ARHGEF9: variants seen among roughly 807,000 people sequenced by gnomAD.
ARHGEF9 encodes the protein rho guanine nucleotide exchange factor 9.
In ARHGEF9, 2 loss-of-function variants were observed where a neutral mutation model predicts 41.3. The ratio of observed to expected loss-of-function variants is 0.05; its 90% CI spans 0.02 to 0.15. The LOEUF is 0.15. ARHGEF9 is among the 10% of genes least tolerant of loss of function. ARHGEF9 has a pLI of 1.00. For synonymous variants in ARHGEF9, 160 were observed against 154.4 expected, an observed-to-expected ratio of 1.04 and a Z score of -0.27; for missense variants, 225 against 424.7, an observed-to-expected ratio of 0.53 and a Z score of 4.13.
chrX:63,663,378 A>C (rs1279608335), intron 7 of ARHGEF9, among the ~76,000 whole-genome samples: 2 of 111,352 alleles, frequency 1.8e-5, no homozygotes, highest in African/African-American at 6.5e-5. Context: ...TCATATGTAA[A>C]ATATTATATA....
intron 4 of ARHGEF9, among the ~76,000 whole-genome samples, chrX:63,693,357 G>C (rs1354814772): frequency 9.0e-6 from 1 of 110,922 alleles, no homozygotes; most frequent in Non-Finnish European, 1.9e-5. Flanking sequence ...ACCACATGTA[G>C]TCCCAGCAAT....
chrX:63,702,613 T>C (rs1323245459), intron 3 of ARHGEF9, among the ~76,000 whole-genome samples: 4 of 112,076 alleles, frequency 3.6e-5, no homozygotes, highest in Non-Finnish European at 7.5e-5. Flanking sequence ...TTTTTTATAT[T>C]GAATATAATT....
intron 9 of ARHGEF9, chrX:63,640,544 T>G (rs1285123085): frequency 8.9e-6 from 1 of 112,223 alleles, no homozygotes; most frequent in Non-Finnish European, 1.9e-5. Context: ...GTTAATTAGG[T>G]TTATGTACCA....
intron 4 of ARHGEF9, among the ~76,000 whole-genome samples, chrX:63,688,047 C>A (rs781785994): frequency 9.0e-6 from 1 of 110,957 alleles, no homozygotes; most frequent in East Asian, 2.8e-4. Flanking sequence ...TAAGATTACC[C>A]TAAGGCATAT....
At chrX:63,726,900 G>T (rs1221141878) in intron 1 of ARHGEF9, among the ~76,000 whole-genome samples, 1 of 111,990 alleles carries the variant, frequency 8.9e-6, no homozygotes, top group Non-Finnish European at 1.9e-5. Flanking sequence ...CCCTGATGCT[G>T]AGGACATTCA....
At chrX:63,668,818 A>T (rs192640740) in intron 6 of ARHGEF9, among the ~76,000 whole-genome samples, 1 of 112,312 alleles carries the variant, frequency 8.9e-6, no homozygotes, top group Non-Finnish European at 1.9e-5. Context: ...ATTGGAAGTA[A>T]TTTGCCCAAA....
intron 1 of ARHGEF9, among the ~76,000 whole-genome samples, chrX:63,744,484 T>C (rs1556431124): frequency 8.9e-6 from 1 of 112,456 alleles, no homozygotes; most frequent in Non-Finnish European, 1.9e-5. Flanking sequence ...CTAGAAAATA[T>C]AGCTGTCTGC....
In ARHGEF9 at chrX:63,637,824, A is replaced by G. The variant is rs1556299892; in HGVS notation, c.*204T>C. On this transcript the variant is annotated 3_prime_UTR_variant, in exon 10 of 10. Coordinates refer to ENST00000671741, the MANE Select transcript of ARHGEF9 (RefSeq NM_001353921.2). Reference sequence around the variant, plus strand: ...ATTTCACTTCCCCAAAACAACAGAAAACACTTTTGTTCCTTATCTCTCTGT... The same window carrying G: ...ATTTCACTTCCCCAAAACAACAGAAGACACTTTTGTTCCTTATCTCTCTGT... The G allele has an allele frequency of 3.1e-6, 1 of 323,176 alleles. No individual in the cohort carries two copies. The highest frequency in any genetic ancestry group is 5.2e-6 in the Non-Finnish European group (1 of 192,712). 26.6% of individuals were successfully genotyped at this position (323,176 alleles called of 1,213,427 possible).
intron 1 of ARHGEF9, chrX:63,755,175 T>G (rs2055887541): frequency 3.2e-6 from 3 of 938,838 alleles, no homozygotes; most frequent in Non-Finnish European, 4.0e-6. Flanking sequence ...CTGCGGGCGC[T>G]TGCGTGAGGC....
Position 63,645,950 on chromosome X carries a change from C to T in ARHGEF9, c.1322-1902G>A, listed in dbSNP as rs782512432. 6.3e-5 allele frequency among the ~76,000 whole-genome samples: 7 copies of T among 111,990 alleles called. No individual in the cohort carries two copies. In the South Asian group the frequency reaches 2.6e-3, roughly 42 times the overall value. ...CTGGAGTGAGATGGTACCTCATTGT[C>T]GTTTTGATCTGCATTTCTCTGATGG... On this transcript the variant is annotated intron_variant, in intron 8 of 9. Transcript: ENST00000671741.
intron 1 of ARHGEF9, chrX:63,766,736 T>C (rs2056119278): frequency 1.1e-5 from 2 of 183,186 alleles, no homozygotes; most frequent in South Asian, 2.1e-4. Flanking sequence ...CCTACCTGCA[T>C]TTTCCTCACT....
chrX:63,648,941 A>T (rs1352294966), intron 8 of ARHGEF9, among the ~76,000 whole-genome samples: 1 of 110,917 alleles, frequency 9.0e-6, no homozygotes, highest in Non-Finnish European at 1.9e-5. Flanking sequence ...GAGTACCCAG[A>T]TTCATAAAAC....
chrX:63,672,604 T>C (rs1556357011), intron 6 of ARHGEF9, among the ~76,000 whole-genome samples: 1 of 111,104 alleles, frequency 9.0e-6, no homozygotes, highest in South Asian at 3.9e-4. Context: ...TGGTTCCCCA[T>C]GGCTCCTGCT....
intron 1 of ARHGEF9, among the ~76,000 whole-genome samples, chrX:63,777,545 C>T (rs1444605661): frequency 8.9e-6 from 1 of 111,772 alleles, no homozygotes; most frequent in African/African-American, 3.3e-5. Context: ...CTCAAAAGTC[C>T]AAGTCCAAAG....
At chrX:63,709,117 C>T (rs1251538023) in intron 2 of ARHGEF9, 3 of 112,063 alleles carry the variant, frequency 2.7e-5, no homozygotes, top group Non-Finnish European at 5.6e-5. Flanking sequence ...CCCAACAATC[C>T]GTGCAGGCTA....
At chrX:63,676,186 G>A (rs2050250576) in intron 5 of ARHGEF9, among the ~76,000 whole-genome samples, 1 of 112,133 alleles carries the variant, frequency 8.9e-6, no homozygotes, top group African/African-American at 3.2e-5. Flanking sequence ...ACCTGTCAGA[G>A]CCATGGCTCT....
chrX:63,697,242 G>A lies in ARHGEF9; in HGVS notation c.465C>T (p.Ile155=). Reference sequence around the variant, plus strand: ...TGTAGATATCTTCAATGTTCCCAAAGATTACCTTCAGTTGCTCGTCACTGA... The same window carrying A: ...TGTAGATATCTTCAATGTTCCCAAAAATTACCTTCAGTTGCTCGTCACTGA... ...DMFSDEQLKV[I]FGNIEDIYRF... The change falls in exon 4 of 10, where the codon ATC becomes ATT. Residue 155 remains isoleucine, a synonymous_variant. Transcript: ENST00000671741. The A allele has an allele frequency of 8.3e-7, 1 of 1,210,715 alleles. No individual in the cohort carries two copies. Among genetic ancestry groups the A allele is most frequent in the Non-Finnish European group, 1.1e-6 (1 of 895,076 alleles).
rs201304211 is a variant in ARHGEF9, at chrX:63,676,528, T to TTGCTCCA, written c.815+1811_815+1812insTGGAGCA. Among the ~76,000 whole-genome samples, 46 of 112,491 alleles carry TTGCTCCA rather than the reference T, an allele frequency of 4.1e-4. 1 individual carries two copies. In the East Asian group the frequency reaches 0.011, roughly 27 times the overall value. On this transcript the variant is annotated intron_variant, in intron 5 of 9. Transcript: ENST00000671741. Reference sequence around the variant, plus strand: ...TCTTTTACAGTTAGTTGCTCCAATGTATGGGGATCTTTTGGGCTCTGTGAC... The same window carrying TTGCTCCA: ...TCTTTTACAGTTAGTTGCTCCAATGTTGCTCCAATGGGGATCTTTTGGGCTCTGTGAC...
At chrX:63,781,205 A>C (rs2056374058) in intron 1 of ARHGEF9, among the ~76,000 whole-genome samples, 1 of 112,218 alleles carries the variant, frequency 8.9e-6, no homozygotes, top group Admixed American at 9.4e-5. Flanking sequence ...GAATAAATCA[A>C]GAAAATAATA....
Sources: allele counts gnomAD v4.1 joint callset (sites outside exome capture counted in the v4.1 genomes callset), GRCh38; gene constraint gnomAD v4.1.1; transcripts MANE v1.5; gene names NCBI Gene and HGNC (gene_info 2026-07-23, HGNC 2026-07-21).